Variants in ZNF827 observed in about 807,000 individuals in gnomAD.
The protein encoded by ZNF827 is zinc finger protein 827.
Under a neutral mutation model 102.4 loss-of-function variants are expected in ZNF827, and 13 were observed. That is an observed-to-expected ratio of 0.13 (90% CI 0.08 to 0.20). The LOEUF is 0.20. Among genes scored for constraint, ZNF827 ranks in the 10% least tolerant of loss-of-function variants. The pLI, the probability that ZNF827 is intolerant of heterozygous loss-of-function variation, is 1.00. For missense variants in ZNF827, 1,103 were observed against 1,344.4 expected (o/e 0.82, Z 2.81); for synonymous variants, 523 against 536.2 (o/e 0.98, Z 0.34).
intron 8 of ZNF827, among the ~76,000 whole-genome samples, chr4:145,805,175 C>T (rs1210911323): frequency 6.7e-6 from 1 of 148,808 alleles, no homozygotes; most frequent in African/African-American, 2.5e-5. Context: ...TTGTGTGAAG[C>T]AAAATTCACC....
intron 8 of ZNF827, among the ~76,000 whole-genome samples, chr4:145,786,155 C>A (rs892782801): frequency 3.2e-4 from 48 of 152,124 alleles, no homozygotes; most frequent in Admixed American, 5.9e-4. Flanking sequence ...CCTCAAAAAA[C>A]AACAGGGACA....
intron 8 of ZNF827, among the ~76,000 whole-genome samples, chr4:145,815,350 C>T (rs1742496095): frequency 6.6e-6 from 1 of 152,076 alleles, no homozygotes; most frequent in African/African-American, 2.4e-5. Context: ...AATAGAAAAG[C>T]TAAGTATCTT....
Position 145,869,389 on chromosome 4 carries a change from A to G in ZNF827, c.1981+856T>C, listed in dbSNP as rs1748486757. ...TTGCTTTCATTCTCCAAGCACAGCA[A>G]GTTTCAAACTAAAAACAGCTTTCGA... On this transcript the variant is annotated intron_variant, in intron 5 of 14. Transcript: ENST00000508784. Among the ~76,000 whole-genome samples the G allele has an allele frequency of 2.0e-5, 3 of 152,386 alleles. No homozygotes were observed. The South Asian group carries it at 6.2e-4, about 32-fold the overall frequency.
chr4:145,811,588 A>G (rs1039194987), intron 8 of ZNF827, among the ~76,000 whole-genome samples: 1 of 152,230 alleles, frequency 6.6e-6, no homozygotes, highest in South Asian at 2.1e-4. Flanking sequence ...TGGAAGTGCC[A>G]GGAGATTTGT....
At chr4:145,914,081 A>ACACACC (rs1010313213) in intron 1 of ZNF827, among the ~76,000 whole-genome samples, 9 of 151,864 alleles carry the variant, frequency 5.9e-5, no homozygotes, top group Non-Finnish European at 8.8e-5. Flanking sequence ...ACACACACAC[A>ACACACC]CACACACACC....
At chr4:145,815,941 G>C (rs1169583950) in intron 8 of ZNF827, among the ~76,000 whole-genome samples, 2 of 152,250 alleles carry the variant, frequency 1.3e-5, no homozygotes, top group Non-Finnish European at 2.9e-5. Flanking sequence ...ATATAAATTT[G>C]ATAAATTTGC....
intron 1 of ZNF827, among the ~76,000 whole-genome samples, chr4:145,924,088 A>G (rs1004264920): frequency 2.6e-5 from 4 of 152,248 alleles, no homozygotes; most frequent in South Asian, 4.1e-4. Context: ...CCAGAGCTAC[A>G]TGCATCAACA....
At chr4:145,829,430 G>A (rs976793196) in intron 7 of ZNF827, among the ~76,000 whole-genome samples, 49 of 152,060 alleles carry the variant, frequency 3.2e-4, no homozygotes, top group African/African-American at 1.1e-3. Flanking sequence ...ATTCTTCGGT[G>A]AATTAATCAA....
At chr4:145,851,051 CAG>C (rs759579138) in intron 5 of ZNF827, among the ~76,000 whole-genome samples, 2 of 152,142 alleles carry the variant, frequency 1.3e-5, no homozygotes, top group Non-Finnish European at 2.9e-5. Context: ...TGAAAACAGA[CAG>C]AGACTGGAGT....
intron 1 of ZNF827, among the ~76,000 whole-genome samples, chr4:145,911,765 A>G (rs1478998132): frequency 1.3e-5 from 2 of 152,182 alleles, no homozygotes; most frequent in Non-Finnish European, 2.9e-5. Flanking sequence ...ATGTCCCAAT[A>G]CTACTAAATC....
intron 4 of ZNF827, among the ~76,000 whole-genome samples, chr4:145,872,302 A>G (rs188617505): frequency 2.1e-3 from 324 of 152,266 alleles, no homozygotes; most frequent in African/African-American, 7.3e-3. Context: ...GGTTCCATTA[A>G]AGAACCAGAA....
intron 13 of ZNF827, among the ~76,000 whole-genome samples, chr4:145,764,125 G>T (rs1482733131): frequency 6.6e-6 from 1 of 152,196 alleles, no homozygotes; most frequent in African/African-American, 2.4e-5. Flanking sequence ...TAAGTAAAAT[G>T]TAATTTTTCA....
chr4:145,831,998 C>CA (rs1744256668), intron 7 of ZNF827: 1 of 152,198 alleles, frequency 6.6e-6, no homozygotes, highest in Admixed American at 6.5e-5. Context: ...CATGATGGCT[C>CA]ACTCCTGTAA....
intron 8 of ZNF827, among the ~76,000 whole-genome samples, chr4:145,792,378 AAAAAAAAAG>A (rs1206490660): frequency 4.6e-5 from 7 of 152,002 alleles, no homozygotes; most frequent in African/African-American, 1.7e-4. Context: ...GTCATAAGAA[AAAAAAAAAG>A]AAAAAAAAGA....
intron 7 of ZNF827, among the ~76,000 whole-genome samples, chr4:145,839,993 G>A (rs889588407): frequency 2.6e-5 from 4 of 152,180 alleles, no homozygotes; most frequent in Non-Finnish European, 5.9e-5. Context: ...TAGATGTCAC[G>A]AAGGGAGGAA....
intron 8 of ZNF827, among the ~76,000 whole-genome samples, chr4:145,809,894 G>A (rs1205068042): frequency 6.6e-6 from 1 of 152,170 alleles, no homozygotes; most frequent in Non-Finnish European, 1.5e-5. Flanking sequence ...TCATCTGAGT[G>A]ATAACTCCAG....
At chr4:145,824,210 C>T (rs911461547) in intron 7 of ZNF827, among the ~76,000 whole-genome samples, 8 of 152,138 alleles carry the variant, frequency 5.3e-5, no homozygotes, top group Non-Finnish European at 1.0e-4. Context: ...AGACATCCTG[C>T]CAGGGTTCCC....
chr4:145,778,196 C>T lies in ZNF827; in HGVS notation c.2521+1178G>A, dbSNP rs369075796. ...TCACTCAGGCTGGAGTGCAGTGGCA[C>T]GATCTTGGCTCACTGCAACTTCCAC... On this transcript the variant is annotated intron_variant, in intron 9 of 14. Coordinates refer to ENST00000508784, the MANE Select transcript of ZNF827 (RefSeq NM_001306215.2). Among the ~76,000 whole-genome samples, 293 of 152,208 alleles carry T rather than the reference C, an allele frequency of 1.9e-3. 2 individuals are homozygous for T. The highest frequency in any genetic ancestry group is 0.017 in the Middle Eastern group (5 of 294).
chr4:145,861,776 G>A (rs188477472), intron 5 of ZNF827, among the ~76,000 whole-genome samples: 71 of 152,282 alleles, frequency 4.7e-4, no homozygotes, highest in Non-Finnish European at 8.4e-4. Context: ...CAGTCCAACA[G>A]AAAAGGAATC....
Sources: allele counts gnomAD v4.1 joint callset (sites outside exome capture counted in the v4.1 genomes callset), GRCh38; gene constraint gnomAD v4.1.1; transcripts MANE v1.5; gene names NCBI Gene and HGNC (gene_info 2026-07-23, HGNC 2026-07-21).